DGKI: variants seen among roughly 807,000 people sequenced by gnomAD.
The protein encoded by DGKI is DAG kinase iota.
Under a neutral mutation model 147.5 loss-of-function variants are expected in DGKI, and 55 were observed. The ratio of observed to expected loss-of-function variants is 0.37; its 90% CI spans 0.30 to 0.47. The LOEUF (loss-of-function observed/expected upper bound fraction) is 0.47, where lower values mean the gene tolerates loss of function less well. DGKI is among the 20% of genes least tolerant of loss of function. The probability of loss-of-function intolerance (pLI) is 1.00; values close to 1 mark genes in which losing one functional copy is unlikely to be tolerated. For missense variants in DGKI, 1,007 were observed against 1,323.8 expected (o/e 0.76, Z 3.71); for synonymous variants, 469 against 477.1 (o/e 0.98, Z 0.22).
intron 1 of DGKI, among the ~76,000 whole-genome samples, chr7:137,705,638 A>C (rs1793995589): frequency 6.6e-6 from 1 of 152,180 alleles, no homozygotes; most frequent in South Asian, 2.1e-4. Context: ...ATATCTTAAT[A>C]AATATATAGA....
At chr7:137,798,166 A>T (rs1391829004) in intron 1 of DGKI, among the ~76,000 whole-genome samples, 1 of 152,152 alleles carries the variant, frequency 6.6e-6, no homozygotes, top group Non-Finnish European at 1.5e-5. Flanking sequence ...ATGTGAAGAG[A>T]CCTATAATAA....
intron 19 of DGKI, among the ~76,000 whole-genome samples, chr7:137,560,420 G>C (rs1723102): frequency 0.11 from 16,330 of 151,962 alleles, 1,953 homozygotes; most frequent in African/African-American, 0.29. Context: ...AGTTCGTTGG[G>C]GAAAAAAATA....
chr7:137,638,428 C>CTATATATATATA (rs141779868), intron 6 of DGKI, among the ~76,000 whole-genome samples: 3 of 98,462 alleles, frequency 3.0e-5, no homozygotes, highest in Admixed American at 2.2e-4. Context: ...GCAAGAACAA[C>CTATATATATATA]TATATATATA....
rs146434386 is a variant in DGKI, at chr7:137,541,909, T to C, written c.2147+10460A>G. ...AAAGAAAAAAAAAAATCATCTGGATTCTGTCAAAAGGTTTCACTCTACAAA... is the reference window on the plus strand; with the variant it reads ...AAAGAAAAAAAAAAATCATCTGGATCCTGTCAAAAGGTTTCACTCTACAAA... On this transcript the variant is annotated intron_variant, in intron 20 of 32. Transcript: ENST00000614521. Among the ~76,000 whole-genome samples the C allele has an allele frequency of 2.9e-3, 448 of 152,102 alleles. 4 individuals are homozygous for C. The highest frequency in any genetic ancestry group is 0.01 in the African/African-American group (427 of 41,498).
At chr7:137,656,690 T>A in intron 3 of DGKI, 150 bp from the exon 4 acceptor site, 1 of 744,500 alleles carries the variant, frequency 1.3e-6, no homozygotes, top group Non-Finnish European at 2.1e-6. Flanking sequence ...AAACTTCATC[T>A]TAAATATTGA....
chr7:137,693,661 T>C (rs907149332), intron 1 of DGKI, among the ~76,000 whole-genome samples: 2 of 152,240 alleles, frequency 1.3e-5, no homozygotes, highest in African/African-American at 4.8e-5. Context: ...ACACAGTCTA[T>C]ATTCAAGAAA....
intron 1 of DGKI, among the ~76,000 whole-genome samples, chr7:137,711,882 C>T (rs1037904032): frequency 1.2e-4 from 18 of 151,182 alleles, no homozygotes; most frequent in African/African-American, 4.1e-4. Context: ...TTAGTAGAGA[C>T]GGGGTTTCAC....
intron 1 of DGKI, among the ~76,000 whole-genome samples, chr7:137,782,417 C>G (rs1225642876): frequency 7.2e-5 from 11 of 152,262 alleles, no homozygotes; most frequent in African/African-American, 2.6e-4. Context: ...GAACCACACC[C>G]CCATCCCCCA....
At chr7:137,471,293 C>T (rs780374430) in intron 23 of DGKI, among the ~76,000 whole-genome samples, 3 of 152,030 alleles carry the variant, frequency 2.0e-5, no homozygotes, top group Non-Finnish European at 2.9e-5. Context: ...CACTGGGGTG[C>T]GGCTGTGCAG....
At chr7:137,505,635 G>A (rs964381400) in intron 21 of DGKI, among the ~76,000 whole-genome samples, 3 of 148,258 alleles carry the variant, frequency 2.0e-5, no homozygotes, top group Admixed American at 6.8e-5. Context: ...TTGACAGTAG[G>A]TACTAGTATT....
intron 6 of DGKI, among the ~76,000 whole-genome samples, chr7:137,628,085 C>T (rs932547417): frequency 4.6e-5 from 7 of 152,170 alleles, no homozygotes; most frequent in Admixed American, 1.3e-4. Context: ...TCCACCATCT[C>T]GCCGAGAAAG....
Position 137,846,393 on chromosome 7 carries a change from C to A in DGKI, c.401+69G>T. The A allele has an allele frequency of 9.0e-7, 1 of 1,109,460 alleles. No homozygotes were observed. Among genetic ancestry groups the A allele is most frequent in the Non-Finnish European group, 1.2e-6 (1 of 845,142 alleles). The allele number at this position is 1,109,460 out of a possible 1,614,324, so 68.7% of individuals were successfully genotyped here. ...GGTGCCCAACTCCGCGGAAGCGCCC[C>A]TTGCTGGGTAGAAGAGTGGGTCTCC... On this transcript the variant is annotated intron_variant, in intron 1 of 32. Coordinates refer to ENST00000614521, the MANE Select transcript of DGKI (RefSeq NM_001321708.2). The surrounding 1 kb of genome is among the most constrained non-coding windows in gnomAD (Gnocchi z 4.0).
chr7:137,534,416 C>G (rs1166516449), intron 20 of DGKI, among the ~76,000 whole-genome samples: 1 of 151,934 alleles, frequency 6.6e-6, no homozygotes, highest in Non-Finnish European at 1.5e-5. Flanking sequence ...AAAAGTATTC[C>G]TTTTCCTTCC....
intron 1 of DGKI, among the ~76,000 whole-genome samples, chr7:137,753,054 A>G (rs951667954): frequency 1.3e-5 from 2 of 152,082 alleles, no homozygotes; most frequent in Non-Finnish European, 2.9e-5. Context: ...ATACACACAC[A>G]CACACACACA....
intron 18 of DGKI, 129 bp from the exon 19 acceptor site, chr7:137,571,415 C>A: frequency 1.5e-6 from 1 of 648,112 alleles, no homozygotes; most frequent in Admixed American, 3.6e-5. Flanking sequence ...TGGTACACAC[C>A]TTCCATTAGA....
intron 19 of DGKI, among the ~76,000 whole-genome samples, chr7:137,558,271 T>A (rs997932361): frequency 1.5e-4 from 23 of 151,318 alleles, no homozygotes; most frequent in African/African-American, 3.7e-4. Context: ...GGGTTTTTTT[T>A]ATTATTTTAT....
intron 31 of DGKI, chr7:137,395,971 A>G (rs1243958566): frequency 9.7e-6 from 4 of 413,720 alleles, no homozygotes; most frequent in African/African-American, 4.0e-5. Context: ...TATTTGATTT[A>G]GGTGATAGTC....
At chr7:137,777,294 T>C (rs1358051381) in intron 1 of DGKI, among the ~76,000 whole-genome samples, 1 of 152,192 alleles carries the variant, frequency 6.6e-6, no homozygotes, top group African/African-American at 2.4e-5. Context: ...AGGCATTGTC[T>C]GCTCACCAAC....
intron 21 of DGKI, among the ~76,000 whole-genome samples, chr7:137,490,046 A>T (rs528638786): frequency 6.6e-6 from 1 of 152,330 alleles, no homozygotes; most frequent in African/African-American, 2.4e-5. Context: ...CTGTTCTTCA[A>T]GGAGCAAAGT....
Sources: gnomAD v4.1 joint callset for allele counts (sites outside exome capture counted in the v4.1 genomes callset) on GRCh38, gnomAD v4.1.1 for gene constraint, Gnocchi (gnomAD v3.1) non-coding constraint, MANE v1.5 for transcripts, NCBI Gene and HGNC (gene_info 2026-07-23, HGNC 2026-07-21) for gene names.